The following TUBGCP5 variants were observed in gnomAD, a reference collection of about 807,000 sequenced individuals.
The protein encoded by TUBGCP5 is gamma-tubulin complex component 5.
In TUBGCP5, 98 loss-of-function variants were observed where a neutral mutation model predicts 134.7. The observed-to-expected ratio is 0.73, with a 90% CI of 0.62 to 0.86. TUBGCP5 has a LOEUF of 0.86. Among genes scored for constraint, TUBGCP5 ranks in the 40% least tolerant of loss-of-function variants. TUBGCP5 has a pLI of 0.00. For synonymous variants in TUBGCP5, 456 were observed against 431.4 expected (o/e 1.06, Z -0.71); for missense variants, 1,150 against 1,244.8 (o/e 0.92, Z 1.15).
intron 11 of TUBGCP5, 35 bp from the exon 12 acceptor site, chr15:23,019,369 G>T: frequency 6.9e-7 from 1 of 1,439,936 alleles, no homozygotes; most frequent in Non-Finnish European, 9.7e-7. Context: ...AGCTCTCAGG[G>T]TTCCCTGGTC....
chr15:23,036,807 G>A, intron 3 of TUBGCP5, 90 bp downstream of exon 3: 1 of 921,786 alleles, frequency 1.1e-6, no homozygotes. Context: ...TACTAAAATA[G>A]AATGTTTAAA....
intron 3 of TUBGCP5, 149 bp downstream of exon 3, chr15:23,036,748 T>C (rs2066610325): frequency 6.2e-6 from 4 of 644,514 alleles, no homozygotes; most frequent in Admixed American, 2.9e-5. Flanking sequence ...TCTGGTTTGA[T>C]GGCAATATTT....
In TUBGCP5 at chr15:23,038,719, A is replaced by G. The variant is rs550408585; in HGVS notation, c.146+679T>C. ...AATTTCATTATGGGTAATGACTCTAAAAGTATTAATTTACATCTCCCATAA... is the reference window on the plus strand; with the variant it reads ...AATTTCATTATGGGTAATGACTCTAGAAGTATTAATTTACATCTCCCATAA... On this transcript the variant is annotated intron_variant, in intron 1 of 22. Transcript: ENST00000615383. Among the ~76,000 whole-genome samples, 7 of 152,298 alleles carry G rather than the reference A, an allele frequency of 4.6e-5. No individual in the cohort carries two copies. In the South Asian group the frequency reaches 1.2e-3, roughly 27 times the overall value.
At chr15:22,994,069 T>C (rs934162692) in intron 23 of TUBGCP5, among the ~76,000 whole-genome samples, 1 of 151,930 alleles carries the variant, frequency 6.6e-6, no homozygotes, top group Non-Finnish European at 1.5e-5. Context: ...TCTCACAGAA[T>C]CTCTCCAACA....
At chr15:23,005,312 A>T in intron 19 of TUBGCP5, 120 bp downstream of exon 19, 1 of 1,150,650 alleles carries the variant, frequency 8.7e-7, no homozygotes, top group Non-Finnish European at 1.2e-6. Flanking sequence ...CAAATTTGCT[A>T]CATGTCCCGT....
chr15:23,011,544 G>C (rs945782860), intron 13 of TUBGCP5, among the ~76,000 whole-genome samples: 11 of 148,948 alleles, frequency 7.4e-5, no homozygotes, highest in African/African-American at 2.7e-4. Flanking sequence ...TGCTCTTGTT[G>C]CCCAGGCTGG....
chr15:23,038,569 A>AC (rs2066727596), intron 1 of TUBGCP5, among the ~76,000 whole-genome samples: 1 of 152,200 alleles, frequency 6.6e-6, no homozygotes, highest in Non-Finnish European at 1.5e-5. Context: ...AGCCAACTAG[A>AC]CACTTTATGG....
chr15:22,999,011 C>T (rs557370946), downstream of TUBGCP5, among the ~76,000 whole-genome samples: 105 of 152,206 alleles, frequency 6.9e-4, no homozygotes, highest in Non-Finnish European at 1.2e-3. Flanking sequence ...CCTCTCACCT[C>T]AGTCTTTCAA....
chr15:23,003,021 CTG>C, intron 21 of TUBGCP5, 42 bp downstream of exon 21: 1 of 1,595,052 alleles, frequency 6.3e-7, no homozygotes, highest in Non-Finnish European at 8.6e-7. Flanking sequence ...GAAGCTGAAG[CTG>C]AAATGGTCAC....
intron 11 of TUBGCP5, among the ~76,000 whole-genome samples, chr15:23,020,369 T>C (rs1162261626): frequency 6.6e-6 from 1 of 151,564 alleles, no homozygotes; most frequent in Non-Finnish European, 1.5e-5. Context: ...ATCATGACAC[T>C]GCACTCCAGC....
In TUBGCP5 at chr15:23,032,745, G is replaced by A; in HGVS notation, c.389C>T (p.Pro130Leu). Residue 130 changes from proline (P) to leucine (L), a missense_variant, in exon 4 of 23, where the codon CCA (proline) becomes CTA (leucine). Coordinates refer to ENST00000615383, the MANE Select transcript of TUBGCP5 (RefSeq NM_052903.6). ...TAACATACCCACTTCTTTATTTCTT[G>A]GTGTCTCCACATAACTGCTGTTTGA... ...SPSNSSYVET[P>L]RNKEVEKKDD... 6.3e-7 allele frequency: 1 copy of A among 1,579,720 alleles called. No individual in the cohort carries two copies. Among genetic ancestry groups the A allele is most frequent in the Non-Finnish European group, 8.6e-7 (1 of 1,165,824 alleles).
At chr15:22,997,610 T>A (rs2064152004), downstream of TUBGCP5, among the ~76,000 whole-genome samples, 1 of 151,780 alleles carries the variant, frequency 6.6e-6, no homozygotes. Context: ...CTTTCATATT[T>A]TTTTTCTTTT....
chr15:23,030,980 G>C lies in TUBGCP5; in HGVS notation c.527C>G (p.Pro176Arg). ...EESEEENDQQ[P>R]LSREDSGIQV... ...AATTCCAGAGTCCTCTCTGCTTAAGGGCTGTTGATCATTTTCCTCTTCACT... is the reference window on the plus strand; with the variant it reads ...AATTCCAGAGTCCTCTCTGCTTAAGCGCTGTTGATCATTTTCCTCTTCACT... The change falls in exon 6 of 23, where the codon CCC (proline) becomes CGC (arginine). Residue 176 changes from proline (P) to arginine (R), a missense_variant. By Grantham distance (103) the Pro-to-Arg change is moderately radical. Transcript: ENST00000615383. The C allele has an allele frequency of 6.2e-7, 1 of 1,613,174 alleles. No homozygotes were observed. Among genetic ancestry groups the C allele is most frequent in the Non-Finnish European group, 8.5e-7 (1 of 1,179,774 alleles).
At chr15:23,002,722 G>GTTCA (rs1218605250) in intron 21 of TUBGCP5, among the ~76,000 whole-genome samples, 1 of 152,156 alleles carries the variant, frequency 6.6e-6, no homozygotes, top group East Asian at 1.9e-4. Flanking sequence ...CCATCACGGT[G>GTTCA]TTCACAACAC....
At chr15:22,983,684 G>C (rs1007907514) in intron 23 of TUBGCP5, 1 of 152,002 alleles carries the variant, frequency 6.6e-6, no homozygotes, top group Non-Finnish European at 1.5e-5. Context: ...AATTGTAGTG[G>C]TATACTATAA....
At chr15:23,024,347 T>A in intron 9 of TUBGCP5, 154 bp from the exon 10 acceptor site, 1 of 787,044 alleles carries the variant, frequency 1.3e-6, no homozygotes. Flanking sequence ...TTTATAATTT[T>A]ATACACAAAG....
rs2066272743 is a variant in TUBGCP5 at position 23,030,924 on chromosome 15, C to T, written c.583G>A (p.Asp195Asn). The T allele has an allele frequency of 1.2e-6, 2 of 1,613,572 alleles. No individual in the cohort carries two copies. The highest frequency in any genetic ancestry group is 1.7e-6 in the Non-Finnish European group (2 of 1,179,874). ...QVDRTPLEEQ[D>N]QNRKLDPCIS... The stretch of plus-strand genomic sequence containing the variant: ...CAAGGATCCAGTTTTCTGTTTTGAT[C>T]TTGTTCTTCTAACGGTGTCCTGTCT... The change falls in exon 6 of 23, where the codon GAT (aspartate) becomes AAT (asparagine). Residue 195 changes from aspartate (D) to asparagine (N), a missense_variant. Physicochemically the swap from Asp to Asn is conservative, Grantham distance 23. This residue lies in a region of TUBGCP5 where 453 missense variants were observed against 394.7 expected (regional missense o/e 1.15). Coordinates refer to ENST00000615383, the MANE Select transcript of TUBGCP5 (RefSeq NM_052903.6).
intron 21 of TUBGCP5, among the ~76,000 whole-genome samples, chr15:23,000,884 T>C (rs1415901407): frequency 6.6e-6 from 1 of 152,210 alleles, no homozygotes; most frequent in Non-Finnish European, 1.5e-5. Flanking sequence ...TATAAAACTG[T>C]GCTGTTTCCA....
chr15:22,989,903 T>G lies in TUBGCP5; in HGVS notation c.*62-6292A>C, dbSNP rs936289319. ...CTCCTAACTTCAGGACTTTTATTTC[T>G]TCTGCAGTGAAAACATGTGGACTCC... On this transcript the variant is annotated intron_variant and NMD_transcript_variant, in intron 23 of 23. Coordinates refer to the TUBGCP5 transcript ENST00000614508. Among the ~76,000 whole-genome samples, 3 of 152,282 alleles carry G rather than the reference T, an allele frequency of 2.0e-5. No individual in the cohort carries two copies. The East Asian group carries it at 5.8e-4, about 29-fold the overall frequency.
Sources: gnomAD v4.1 joint callset for allele counts (sites outside exome capture counted in the v4.1 genomes callset) on GRCh38, gnomAD v4.1.1 for gene constraint, gnomAD v4.1.1 regional missense constraint, MANE v1.5 for transcripts, NCBI Gene and HGNC (gene_info 2026-07-23, HGNC 2026-07-21) for gene names.